Variants in C11orf65 observed in about 807,000 individuals in gnomAD.
The protein encoded by C11orf65 is chromosome 11 open reading frame 65, also known as protein MFI.
C11orf65 carries 38 observed loss-of-function variants against 35.3 expected under a neutral mutation model. That is an observed-to-expected ratio of 1.08 (90% confidence interval 0.83 to 1.41). The LOEUF is 1.41. Ranked by LOEUF, C11orf65 falls within the 40% of genes most tolerant of loss-of-function variation. The probability of loss-of-function intolerance (pLI) is 0.00; values close to 1 mark genes in which losing one functional copy is unlikely to be tolerated. For synonymous variants in C11orf65, 105 were observed against 114.4 expected (o/e 0.92, Z 0.53); for missense variants, 370 against 367.1 (o/e 1.01, Z -0.06).
chr11:108,460,376 A>T (rs2093459015), intron 2 of C11orf65, among the ~76,000 whole-genome samples: 1 of 152,184 alleles, frequency 6.6e-6, no homozygotes, highest in Admixed American at 6.6e-5. Flanking sequence ...ACCCAACCAG[A>T]TAATTCAACT....
intron 3 of C11orf65, among the ~76,000 whole-genome samples, chr11:108,430,073 G>A (rs917233227): frequency 2.6e-5 from 4 of 151,632 alleles, no homozygotes; most frequent in African/African-American, 4.8e-5. Flanking sequence ...TGGTGGTGAT[G>A]GTTGGTGATG....
intron 2 of C11orf65, among the ~76,000 whole-genome samples, chr11:108,341,720 T>C (rs1300281774): frequency 6.6e-6 from 1 of 152,218 alleles, no homozygotes; most frequent in African/African-American, 2.4e-5. Context: ...AAGGGATTTA[T>C]ATGAAGAATA....
chr11:108,407,787 C>T (rs1205522971), intron 3 of C11orf65, among the ~76,000 whole-genome samples: 1 of 151,024 alleles, frequency 6.6e-6, no homozygotes, highest in Non-Finnish European at 1.5e-5. Flanking sequence ...AAAAAATTAG[C>T]TAGGCATGGT....
chr11:108,452,250 T>C (rs1441521500), intron 2 of C11orf65, among the ~76,000 whole-genome samples: 1 of 152,072 alleles, frequency 6.6e-6, no homozygotes, highest in African/African-American at 2.4e-5. Context: ...TTTTCCAATC[T>C]ACCCATATGA....
At chr11:108,356,245 GAA>G (rs1279896206) in intron 2 of C11orf65, 1 of 152,078 alleles carries the variant, frequency 6.6e-6, no homozygotes, top group African/African-American at 2.4e-5. Flanking sequence ...TTTCATGTAA[GAA>G]AAAGAGGGCT....
At chr11:108,343,429 TG>T (rs2087858791) in intron 2 of C11orf65, 1 of 1,592,022 alleles carries the variant, frequency 6.3e-7, no homozygotes, top group Non-Finnish European at 8.6e-7. Context: ...TTATTAAAGC[TG>T]ACAGCTGTCA....
At chr11:108,429,343 G>A (rs989820523) in intron 3 of C11orf65, among the ~76,000 whole-genome samples, 1 of 152,100 alleles carries the variant, frequency 6.6e-6, no homozygotes, top group Admixed American at 6.6e-5. Flanking sequence ...GCTAACTGTT[G>A]AAGCTAGATG....
chr11:108,322,767 C>G (rs1045077057), intron 6 of C11orf65, among the ~76,000 whole-genome samples: 1 of 151,952 alleles, frequency 6.6e-6, no homozygotes, highest in African/African-American at 2.4e-5. Context: ...CTCTTTATAA[C>G]TTTTTCCCTG....
In C11orf65 at chr11:108,428,577, C is replaced by T. The variant is rs547239705; in HGVS notation, c.174+3169G>A. ...AACACAGGAACAGAAAACCAGACAC[C>T]GCACATTCTCACTCATAAGTGGGAG... On this transcript the variant is annotated intron_variant, in intron 3 of 8. Transcript: ENST00000393084. 1.3e-4 allele frequency among the ~76,000 whole-genome samples: 20 copies of T among 152,096 alleles called. 1 individual carries two copies. Among genetic ancestry groups the T allele is most frequent in the Middle Eastern group, 3.2e-3 (1 of 316 alleles).
intron 3 of C11orf65, among the ~76,000 whole-genome samples, chr11:108,419,024 A>G (rs895373235): frequency 4.6e-5 from 7 of 152,218 alleles, no homozygotes; most frequent in Non-Finnish European, 1.0e-4. Context: ...TCTGGCACAG[A>G]TGGTTTCATT....
At chr11:108,410,711 CTTT>C (rs35785036) in intron 3 of C11orf65, among the ~76,000 whole-genome samples, 1 of 136,622 alleles carries the variant, frequency 7.3e-6, no homozygotes, top group Admixed American at 7.4e-5. Flanking sequence ...CTTCCTTTTA[CTTT>C]TTTTTTTTTT....
Position 108,426,530 on chromosome 11 carries a change from T to A in C11orf65, c.174+5216A>T, listed in dbSNP as rs1281941731. On this transcript the variant is annotated intron_variant, in intron 3 of 8. Coordinates refer to ENST00000393084, the MANE Select transcript of C11orf65 (RefSeq NM_152587.5). The stretch of plus-strand genomic sequence containing the variant: ...AAACAAATGGAAAAACATTCCATGC[T>A]CATGAATAGGAAGAATCAATACTGT... Among the ~76,000 whole-genome samples the A allele has an allele frequency of 3.3e-5, 5 of 152,176 alleles. No individual in the cohort carries two copies. The East Asian group carries it at 9.6e-4, about 29-fold the overall frequency.
intron 2 of C11orf65, among the ~76,000 whole-genome samples, chr11:108,341,583 C>T (rs1310040206): frequency 6.6e-6 from 1 of 152,010 alleles, no homozygotes; most frequent in Non-Finnish European, 1.5e-5. Flanking sequence ...AACAGTTCAA[C>T]ATATGTGAGA....
At chr11:108,354,058 TACACACACACAAACACACACACAC>T (rs1342902263) in intron 2 of C11orf65, among the ~76,000 whole-genome samples, 6 of 67,006 alleles carry the variant, frequency 9.0e-5, no homozygotes. Context: ...TCTAAAAAAA[TACACACACACAAACACACACACAC>T]ACACACACAC....
rs190785042 is a variant in C11orf65, at chr11:108,467,494, G to C, written c.-33C>G. The C allele has an allele frequency of 6.6e-6, 1 of 152,420 alleles. No individual in the cohort carries two copies. The highest frequency in any genetic ancestry group is 1.5e-5 in the Non-Finnish European group (1 of 68,238). 9.4% of individuals were successfully genotyped at this position (152,420 alleles called of 1,614,324 possible). Reference sequence around the variant, plus strand: ...ACCAATCGCTGCTGGCCCGGGCGCCGCTGGACTCCTAGGTAACGTCGCAGG... The same window carrying C: ...ACCAATCGCTGCTGGCCCGGGCGCCCCTGGACTCCTAGGTAACGTCGCAGG... On this transcript the variant is annotated 5_prime_UTR_variant, in exon 1 of 9. Coordinates refer to ENST00000393084, the MANE Select transcript of C11orf65 (RefSeq NM_152587.5).
chr11:108,370,612 G>GTTT (rs199864432), intron 2 of C11orf65, among the ~76,000 whole-genome samples: 1 of 147,276 alleles, frequency 6.8e-6, no homozygotes, highest in Non-Finnish European at 1.5e-5. Flanking sequence ...TTGCTGCAGG[G>GTTT]TTTTGTTTTG....
chr11:108,364,335 G>C (rs953466298), intron 2 of C11orf65, among the ~76,000 whole-genome samples: 42 of 152,190 alleles, frequency 2.8e-4, no homozygotes, highest in African/African-American at 9.9e-4. Flanking sequence ...AAAGTTCTGT[G>C]TTTATAAATA....
chr11:108,421,712 T>A (rs1256305525), intron 3 of C11orf65, among the ~76,000 whole-genome samples: 1 of 152,088 alleles, frequency 6.6e-6, no homozygotes, highest in African/African-American at 2.4e-5. Flanking sequence ...TGAGAACAAG[T>A]TCTATATTTT....
Position 108,403,423 on chromosome 11 carries a change from T to G in C11orf65, c.560+2006A>C, listed in dbSNP as rs1258352281. Among the ~76,000 whole-genome samples, 3 of 149,986 alleles carry G rather than the reference T, an allele frequency of 2.0e-5. No individual in the cohort carries two copies. The East Asian group carries it at 5.8e-4, about 29-fold the overall frequency. ...TTGTTTGAGAGGTTTTTTTTTTGTT[T>G]TTTTTTTTTTTACATATTCTTGATT... is the stretch of plus-strand genomic sequence containing the variant. On this transcript the variant is annotated intron_variant, in intron 6 of 8. Transcript: ENST00000393084.
Sources: gnomAD v4.1 joint callset for allele counts (sites outside exome capture counted in the v4.1 genomes callset) on GRCh38, gnomAD v4.1.1 for gene constraint, MANE v1.5 for transcripts, NCBI Gene and HGNC (gene_info 2026-07-23, HGNC 2026-07-21) for gene names.